The following CDH13 variants were observed in gnomAD, a reference collection of about 807,000 sequenced individuals.
The protein encoded by CDH13 is cadherin 13, also known as cadherin-13.
Under a neutral mutation model 63.8 loss-of-function variants are expected in CDH13, and 24 were observed. That is an observed-to-expected ratio of 0.38 (90% CI 0.27 to 0.53). CDH13 has a LOEUF of 0.53. Among genes scored for constraint, CDH13 ranks in the 20% least tolerant of loss-of-function variants. CDH13 has a pLI of 0.85. For missense variants in CDH13, 1,049 were observed against 903.1 expected, an observed-to-expected ratio of 1.16 and a Z score of -2.07; for synonymous variants, 503 against 355.3, an observed-to-expected ratio of 1.42 and a Z score of -4.67.
At chr16:83,587,377 C>A (rs768228170) in intron 7 of CDH13, among the ~76,000 whole-genome samples, 30 of 152,174 alleles carry the variant, frequency 2.0e-4, no homozygotes, top group Non-Finnish European at 3.8e-4. Flanking sequence ...AAGTCGTAGA[C>A]ATTTAAAACC....
intron 2 of CDH13, among the ~76,000 whole-genome samples, chr16:82,939,829 A>G (rs2042778731): frequency 6.6e-6 from 1 of 152,166 alleles, no homozygotes; most frequent in Non-Finnish European, 1.5e-5. Context: ...GGCTTGTTCA[A>G]ATATATTTCA....
At chr16:83,502,218 A>G (rs909645618) in intron 7 of CDH13, among the ~76,000 whole-genome samples, 1 of 152,204 alleles carries the variant, frequency 6.6e-6, no homozygotes, top group Non-Finnish European at 1.5e-5. Flanking sequence ...TGAGATTGGA[A>G]GATTATTCTG....
At chr16:83,396,033 G>A (rs2091880866) in intron 6 of CDH13, among the ~76,000 whole-genome samples, 1 of 152,136 alleles carries the variant, frequency 6.6e-6, no homozygotes, top group South Asian at 2.1e-4. Context: ...CTATGAGTGG[G>A]AACATGTGGT....
chr16:83,294,018 T>C (rs2089526893), intron 5 of CDH13, among the ~76,000 whole-genome samples: 3 of 152,242 alleles, frequency 2.0e-5, no homozygotes. Context: ...CCAAGTTGTG[T>C]AGCTAGGACA....
At chr16:83,308,860 C>G (rs1044931594) in intron 5 of CDH13, among the ~76,000 whole-genome samples, 2 of 152,182 alleles carry the variant, frequency 1.3e-5, no homozygotes, top group Non-Finnish European at 1.5e-5. Flanking sequence ...TACTAAGATG[C>G]TGAAACTTAA....
intron 1 of CDH13, among the ~76,000 whole-genome samples, chr16:82,627,906 G>T (rs890416268): frequency 8.5e-5 from 13 of 152,248 alleles, no homozygotes; most frequent in Non-Finnish European, 1.5e-4. Flanking sequence ...TTCCCTGAGC[G>T]GGAGCGGAGC....
At chr16:83,434,349 C>A (rs1349956512) in intron 6 of CDH13, among the ~76,000 whole-genome samples, 3 of 152,254 alleles carry the variant, frequency 2.0e-5, no homozygotes, top group Non-Finnish European at 2.9e-5. Context: ...AACCTACTTC[C>A]CCATTTGTGT....
chr16:83,324,266 A>T (rs1320106703), intron 5 of CDH13, among the ~76,000 whole-genome samples: 1 of 151,996 alleles, frequency 6.6e-6, no homozygotes, highest in African/African-American at 2.4e-5. Flanking sequence ...TGAACTCCTG[A>T]CCTCGTGATG....
chr16:83,590,801 T>C (rs1357134026), intron 7 of CDH13, among the ~76,000 whole-genome samples: 1 of 151,934 alleles, frequency 6.6e-6, no homozygotes, highest in Non-Finnish European at 1.5e-5. Flanking sequence ...TCCAAGAAAC[T>C]TGTGAGAAAT....
intron 1 of CDH13, among the ~76,000 whole-genome samples, chr16:82,818,936 C>T (rs975936268): frequency 1.3e-5 from 2 of 152,186 alleles, no homozygotes; most frequent in Admixed American, 6.5e-5. Flanking sequence ...AGAACTTGCT[C>T]CCCTCTGAGT....
chr16:83,587,814 G>C (rs899152763), intron 7 of CDH13, among the ~76,000 whole-genome samples: 5 of 152,186 alleles, frequency 3.3e-5, no homozygotes, highest in Non-Finnish European at 7.3e-5. Context: ...TGCTTTCGGA[G>C]AGTGCTTGGC....
At chr16:83,025,459 C>T (rs912556039) in intron 2 of CDH13, among the ~76,000 whole-genome samples, 1 of 152,150 alleles carries the variant, frequency 6.6e-6, no homozygotes, top group Non-Finnish European at 1.5e-5. Flanking sequence ...AGGAGAAATG[C>T]AGAGAGAAGG....
At chr16:83,249,244 T>C (rs77422300) in intron 5 of CDH13, among the ~76,000 whole-genome samples, 2 of 152,154 alleles carry the variant, frequency 1.3e-5, no homozygotes, top group Non-Finnish European at 2.9e-5. Flanking sequence ...AACCCAGTGG[T>C]TGGCACGCTT....
At chr16:82,900,742 C>A (rs557948578) in intron 2 of CDH13, among the ~76,000 whole-genome samples, 1 of 152,174 alleles carries the variant, frequency 6.6e-6, no homozygotes, top group African/African-American at 2.4e-5. Context: ...AGTGCTAAGG[C>A]AGGTGATATT....
chr16:83,194,816 C>A (rs972943999), intron 4 of CDH13, among the ~76,000 whole-genome samples: 7 of 152,146 alleles, frequency 4.6e-5, no homozygotes, highest in South Asian at 2.1e-4. Flanking sequence ...GACGGCCAGG[C>A]CTGGGTGGCT....
intron 6 of CDH13, among the ~76,000 whole-genome samples, chr16:83,406,161 T>A (rs1217781744): frequency 1.3e-5 from 2 of 152,202 alleles, no homozygotes; most frequent in African/African-American, 4.8e-5. Context: ...CAGGCCCCTG[T>A]CTATGAAAGG....
chr16:82,860,214 A>G (rs1257839139), intron 2 of CDH13, among the ~76,000 whole-genome samples: 1 of 152,128 alleles, frequency 6.6e-6, no homozygotes, highest in Non-Finnish European at 1.5e-5. Flanking sequence ...GGAAATTAAT[A>G]GAGTTGGTAT....
chr16:83,016,254 A>T (rs1039018334), intron 2 of CDH13, among the ~76,000 whole-genome samples: 7 of 152,240 alleles, frequency 4.6e-5, no homozygotes, highest in African/African-American at 1.7e-4. Context: ...ATTGTAAGCC[A>T]AATCATTGTC....
intron 8 of CDH13, among the ~76,000 whole-genome samples, chr16:83,617,345 AG>A (rs1263945094): frequency 2.0e-4 from 31 of 152,078 alleles, no homozygotes; most frequent in African/African-American, 7.5e-4. Flanking sequence ...GCTGCGTATA[AG>A]TAATACTCTA....
Sources: gnomAD v4.1 joint callset for allele counts (sites outside exome capture counted in the v4.1 genomes callset) on GRCh38, gnomAD v4.1.1 for gene constraint, MANE v1.5 for transcripts, NCBI Gene and HGNC (gene_info 2026-07-23, HGNC 2026-07-21) for gene names.